The following SCAPER variants were observed in gnomAD, a reference collection of about 807,000 sequenced individuals.
SCAPER encodes the protein S phase cyclin A-associated protein in the endoplasmic reticulum.
In SCAPER, 98 loss-of-function variants were observed where a neutral mutation model predicts 182.2. The ratio of observed to expected loss-of-function variants is 0.54; its 90% CI spans 0.46 to 0.64. The LOEUF (loss-of-function observed/expected upper bound fraction) is 0.64. SCAPER is among the 30% of genes least tolerant of loss of function. The pLI is 0.00. For missense variants in SCAPER, 1,432 were observed against 1,690.0 expected (o/e 0.85, Z 2.68); for synonymous variants, 605 against 564.6 (o/e 1.07, Z -1.01).
rs183818589 is a variant in SCAPER at position 76,873,552 on chromosome 15, T to C, written c.6+10260A>G. Among the ~76,000 whole-genome samples, 188 of 152,282 alleles carry C rather than the reference T, an allele frequency of 1.2e-3. 1 individual carries two copies. The highest frequency in any genetic ancestry group is 4.3e-3 in the African/African-American group (179 of 41,562). ...ATGTGCACATATCTAACACATCTAA[T>C]AATGTACAAGTAAAATTGAAATAAG... On this transcript the variant is annotated intron_variant, in intron 2 of 31. Coordinates refer to ENST00000563290, the MANE Select transcript of SCAPER (RefSeq NM_020843.4).
intron 21 of SCAPER, among the ~76,000 whole-genome samples, chr15:76,645,526 CT>C (rs764750763): frequency 2.2e-3 from 317 of 141,008 alleles, no homozygotes; most frequent in Non-Finnish European, 2.3e-3. Context: ...AAAGATCAGC[CT>C]TTTTTTTTTT....
chr15:76,510,951 G>A (rs1251214399), intron 23 of SCAPER, among the ~76,000 whole-genome samples: 2 of 152,176 alleles, frequency 1.3e-5, no homozygotes, highest in Non-Finnish European at 2.9e-5. Context: ...GCCATTTGCA[G>A]CAGCCTGGAT....
chr15:76,719,757 G>A (rs553294865), intron 17 of SCAPER, among the ~76,000 whole-genome samples: 1 of 151,902 alleles, frequency 6.6e-6, no homozygotes, highest in South Asian at 2.1e-4. Flanking sequence ...TAAATAAGAT[G>A]CCCACTAACG....
chr15:76,514,376 G>T (rs1597134723), intron 23 of SCAPER, among the ~76,000 whole-genome samples: 1 of 152,050 alleles, frequency 6.6e-6, no homozygotes, highest in Non-Finnish European at 1.5e-5. Flanking sequence ...TTAGCTAAAG[G>T]CCAGCAAAAA....
intron 26 of SCAPER, among the ~76,000 whole-genome samples, chr15:76,426,839 C>T (rs767325085): frequency 4.0e-4 from 61 of 152,106 alleles, no homozygotes; most frequent in Admixed American, 1.1e-3. Context: ...CTATAGTTAT[C>T]AAAACACCAT....
At chr15:76,571,259 C>T (rs1382311271) in intron 23 of SCAPER, among the ~76,000 whole-genome samples, 2 of 152,092 alleles carry the variant, frequency 1.3e-5, no homozygotes, top group African/African-American at 4.8e-5. Context: ...TTTAAGAAAA[C>T]TGCTTTCTTC....
intron 26 of SCAPER, among the ~76,000 whole-genome samples, chr15:76,420,605 G>A (rs570963042): frequency 1.8e-4 from 27 of 152,096 alleles, no homozygotes; most frequent in Non-Finnish European, 3.7e-4. Context: ...ATATCTCTAC[G>A]TTGTTAACTA....
intron 23 of SCAPER, among the ~76,000 whole-genome samples, chr15:76,562,594 T>C (rs560160787): frequency 3.9e-4 from 59 of 152,160 alleles, no homozygotes; most frequent in Middle Eastern, 3.4e-3. Flanking sequence ...CCTACAAAAG[T>C]AGCAAAAATC....
chr15:76,755,404 T>C (rs573516344), intron 14 of SCAPER, among the ~76,000 whole-genome samples: 1 of 152,364 alleles, frequency 6.6e-6, no homozygotes, highest in East Asian at 1.9e-4. Context: ...ATTCAGATTA[T>C]GTGGTCCAAC....
intron 26 of SCAPER, among the ~76,000 whole-genome samples, chr15:76,425,018 T>C (rs1253819160): frequency 6.6e-6 from 1 of 152,210 alleles, no homozygotes; most frequent in Non-Finnish European, 1.5e-5. Flanking sequence ...CCTTTGTGGG[T>C]AACCTGACCT....
At chr15:76,787,477 C>A (rs866804089) in intron 8 of SCAPER, among the ~76,000 whole-genome samples, 2 of 152,142 alleles carry the variant, frequency 1.3e-5, no homozygotes, top group Non-Finnish European at 2.9e-5. Context: ...CAAACACATG[C>A]CACCACGCCC....
chr15:76,597,722 T>C lies in SCAPER; in HGVS notation c.2712-23438A>G, dbSNP rs1289520955. ...GGGAAAGGATTCCCTATTTAATTAA[T>C]GGTGTTGAGAAAACTGGCTAGCCAT... is the stretch of plus-strand genomic sequence containing the variant. On this transcript the variant is annotated intron_variant, in intron 22 of 31. Transcript: ENST00000563290. 1.7e-5 allele frequency among the ~76,000 whole-genome samples: 2 copies of C among 120,872 alleles called. 1 individual carries two copies. The highest frequency in any genetic ancestry group is 5.2e-4 in the South Asian group (2 of 3,868). The allele number at this position is 120,872 out of a possible 152,430, so 79.3% of individuals were successfully genotyped here.
intron 1 of SCAPER, among the ~76,000 whole-genome samples, chr15:76,894,928 G>A (rs1334993683): frequency 6.6e-6 from 1 of 152,104 alleles, no homozygotes. Context: ...AGGACCTCAT[G>A]GCTTCACTGG....
chr15:76,799,411 T>A (rs1417415355), intron 7 of SCAPER, among the ~76,000 whole-genome samples: 1 of 123,754 alleles, frequency 8.1e-6, no homozygotes, highest in Non-Finnish European at 1.6e-5. Context: ...TACAGGCACA[T>A]GCCACGACAC....
chr15:76,852,172 G>T (rs2070831264), intron 4 of SCAPER, among the ~76,000 whole-genome samples: 1 of 152,092 alleles, frequency 6.6e-6, no homozygotes, highest in African/African-American at 2.4e-5. Flanking sequence ...CAACACAGGA[G>T]AAGCACCTAG....
intron 29 of SCAPER, among the ~76,000 whole-genome samples, chr15:76,369,592 T>G (rs1007941281): frequency 6.6e-6 from 1 of 152,202 alleles, no homozygotes; most frequent in Non-Finnish European, 1.5e-5. Flanking sequence ...CATGAATCTA[T>G]GACTGAAGAA....
chr15:76,495,079 T>C (rs1048259870), intron 24 of SCAPER, among the ~76,000 whole-genome samples: 1 of 152,086 alleles, frequency 6.6e-6, no homozygotes. Flanking sequence ...CAGCTCTACA[T>C]GGAAATCAAA....
chr15:76,603,748 T>C (rs1413388354), intron 22 of SCAPER, among the ~76,000 whole-genome samples: 6 of 121,904 alleles, frequency 4.9e-5, no homozygotes, highest in African/African-American at 1.3e-4. Context: ...TGGTATCTCA[T>C]TGTGGTTTTG....
chr15:76,769,394 G>GACTGCACT (rs905202794), intron 10 of SCAPER, among the ~76,000 whole-genome samples: 5 of 129,942 alleles, frequency 3.8e-5, no homozygotes, highest in African/African-American at 1.5e-4. Flanking sequence ...AGTGAGCCAA[G>GACTGCACT]ACTGCACTAC....
Sources: gnomAD v4.1 joint callset for allele counts (sites outside exome capture counted in the v4.1 genomes callset) on GRCh38, gnomAD v4.1.1 for gene constraint, MANE v1.5 for transcripts, NCBI Gene and HGNC (gene_info 2026-07-23, HGNC 2026-07-21) for gene names.